RIMS1: variants seen among roughly 807,000 people sequenced by gnomAD.
RIMS1 encodes regulating synaptic membrane exocytosis protein 1.
In RIMS1, 83 loss-of-function variants were observed where a neutral mutation model predicts 214.1. The observed-to-expected ratio is 0.39, with a 90% CI of 0.32 to 0.47. The LOEUF (loss-of-function observed/expected upper bound fraction) is 0.47, where lower values mean the gene tolerates loss of function less well. Among genes scored for constraint, RIMS1 ranks in the 20% least tolerant of loss-of-function variants. The pLI, the probability that RIMS1 is intolerant of heterozygous loss-of-function variation, is 0.99. For synonymous variants in RIMS1, 793 were observed against 786.8 expected, an observed-to-expected ratio of 1.01 and a Z score of -0.13; for missense variants, 2,050 against 2,161.8, an observed-to-expected ratio of 0.95 and a Z score of 1.03.
intron 4 of RIMS1, among the ~76,000 whole-genome samples, chr6:72,172,218 A>T (rs1040198453): frequency 3.3e-5 from 5 of 152,158 alleles, no homozygotes; most frequent in Admixed American, 1.3e-4. Context: ...TGAATAAAAA[A>T]ATGATAAAAT....
chr6:72,078,768 C>T (rs1015209120), intron 2 of RIMS1, among the ~76,000 whole-genome samples: 1 of 152,052 alleles, frequency 6.6e-6, no homozygotes, highest in African/African-American at 2.4e-5. Flanking sequence ...CTTTCCATAT[C>T]TAAATTTATA....
chr6:72,365,045 G>A (rs370132084), intron 29 of RIMS1, among the ~76,000 whole-genome samples: 36 of 152,340 alleles, frequency 2.4e-4, no homozygotes, highest in Middle Eastern at 3.4e-3. Flanking sequence ...ATCTGCTCCC[G>A]TAGTTTTCTA....
At chr6:72,263,329 TA>T (rs1273567663) in intron 19 of RIMS1, 1 of 985,106 alleles carries the variant, frequency 1.0e-6, no homozygotes, top group Non-Finnish European at 1.2e-6. Flanking sequence ...ATAGTTGCCT[TA>T]CTGTATCCTA....
At chr6:72,271,706 C>A (rs936577014) in intron 22 of RIMS1, among the ~76,000 whole-genome samples, 17 of 152,148 alleles carry the variant, frequency 1.1e-4, no homozygotes, top group Non-Finnish European at 2.5e-4. Context: ...CCTATCAATT[C>A]TCAATCCCCT....
At chr6:71,904,770 G>T (rs1774759050) in intron 1 of RIMS1, among the ~76,000 whole-genome samples, 1 of 152,158 alleles carries the variant, frequency 6.6e-6, no homozygotes, top group Non-Finnish European at 1.5e-5. Flanking sequence ...TGGTAAGACT[G>T]TCCAGATTGT....
At chr6:71,920,489 A>G (rs919182084) in intron 1 of RIMS1, among the ~76,000 whole-genome samples, 1 of 152,204 alleles carries the variant, frequency 6.6e-6, no homozygotes, top group Non-Finnish European at 1.5e-5. Flanking sequence ...AATGACCAAA[A>G]AAAATCCAGT....
At chr6:72,244,294 G>A (rs1163472352) in intron 10 of RIMS1, among the ~76,000 whole-genome samples, 1 of 151,650 alleles carries the variant, frequency 6.6e-6, no homozygotes, top group Non-Finnish European at 1.5e-5. Flanking sequence ...AACTAATAAA[G>A]AATTCCACTG....
chr6:72,352,631 G>C (rs2097495205), intron 29 of RIMS1, among the ~76,000 whole-genome samples: 1 of 152,134 alleles, frequency 6.6e-6, no homozygotes, highest in Non-Finnish European at 1.5e-5. Flanking sequence ...ACTCTCCTCT[G>C]TGCAGTGGTT....
chr6:72,262,398 G>A lies in RIMS1; in HGVS notation c.3116+1631G>A, dbSNP rs1182500111. The A allele has an allele frequency of 4.1e-6, 4 of 981,102 alleles. No homozygotes were observed. In the Admixed American group the frequency reaches 2.5e-4, roughly 61 times the overall value. The allele number at this position is 981,102 out of a possible 1,614,324, so 60.8% of individuals were successfully genotyped here. ...ATGTATACAATTTAAAAATAAATGA[G>A]TATTCAGCGAGGCAGATAACATCCT... is the stretch of plus-strand genomic sequence containing the variant. On this transcript the variant is annotated intron_variant, in intron 19 of 33. Coordinates refer to ENST00000521978, the MANE Select transcript of RIMS1 (RefSeq NM_014989.7).
At chr6:71,908,216 C>T (rs1038589250) in intron 1 of RIMS1, among the ~76,000 whole-genome samples, 31 of 152,192 alleles carry the variant, frequency 2.0e-4, no homozygotes. Flanking sequence ...GTCACTTTAT[C>T]TTCTTTTTTC....
chr6:71,960,951 C>T (rs1792772358), intron 1 of RIMS1, among the ~76,000 whole-genome samples: 1 of 152,022 alleles, frequency 6.6e-6, no homozygotes, highest in Non-Finnish European at 1.5e-5. Flanking sequence ...CAATTTCTTC[C>T]TGCAGAAGAC....
intron 1 of RIMS1, among the ~76,000 whole-genome samples, chr6:71,908,194 G>C (rs567636232): frequency 6.6e-6 from 1 of 152,232 alleles, no homozygotes; most frequent in East Asian, 1.9e-4. Flanking sequence ...TGGCTAACTT[G>C]GGAGAAATTT....
chr6:72,040,188 A>C (rs894714304), intron 2 of RIMS1, among the ~76,000 whole-genome samples: 2 of 152,082 alleles, frequency 1.3e-5, no homozygotes, highest in African/African-American at 4.8e-5. Context: ...GTAGAACTAC[A>C]TTCTTTCTCC....
chr6:72,213,326 TTC>T (rs1196315863), intron 6 of RIMS1: 3 of 1,070,212 alleles, frequency 2.8e-6, no homozygotes, highest in African/African-American at 1.6e-5. Flanking sequence ...AATATTTCTA[TTC>T]TCTGTGTGTC....
intron 27 of RIMS1, among the ~76,000 whole-genome samples, chr6:72,312,685 ACTGT>A (rs1382498931): frequency 6.6e-6 from 1 of 152,160 alleles, no homozygotes; most frequent in Non-Finnish European, 1.5e-5. Flanking sequence ...TAAATCTGAA[ACTGT>A]CTAATGAAGC....
At chr6:72,351,011 ACTTT>A (rs908338767) in intron 29 of RIMS1, among the ~76,000 whole-genome samples, 1 of 152,122 alleles carries the variant, frequency 6.6e-6, no homozygotes, top group Non-Finnish European at 1.5e-5. Flanking sequence ...TTAATAATTC[ACTTT>A]CTTCTCATCT....
intron 29 of RIMS1, among the ~76,000 whole-genome samples, chr6:72,381,427 T>C (rs751044542): frequency 3.9e-5 from 6 of 152,360 alleles, no homozygotes; most frequent in Non-Finnish European, 7.3e-5. Flanking sequence ...TTTGGAAACA[T>C]TGAAGCTGTG....
intron 29 of RIMS1, among the ~76,000 whole-genome samples, chr6:72,361,083 C>T (rs1295293923): frequency 8.9e-5 from 12 of 134,736 alleles, no homozygotes; most frequent in East Asian, 2.1e-4. Flanking sequence ...TCTGTAGGAA[C>T]GGGTCTTTCT....
rs143106587 is a variant in RIMS1, at chr6:71,911,118, G to C, written c.164+23931G>C. ...ATATTGAAGACAAACATCATAGTAC[G>C]TCCCACACAGGCAGTTTACCCTTCG... is the stretch of plus-strand genomic sequence containing the variant. On this transcript the variant is annotated intron_variant, in intron 1 of 33. Transcript: ENST00000521978. Among the ~76,000 whole-genome samples the C allele has an allele frequency of 5.2e-3, 794 of 152,182 alleles. 5 individuals carry two copies. Among genetic ancestry groups the C allele is most frequent in the Non-Finnish European group, 7.7e-3 (526 of 67,992 alleles).
Sources: gnomAD v4.1 joint callset for allele counts (sites outside exome capture counted in the v4.1 genomes callset) on GRCh38, gnomAD v4.1.1 for gene constraint, MANE v1.5 for transcripts, NCBI Gene and HGNC (gene_info 2026-07-23, HGNC 2026-07-21) for gene names.